GNAO1: variants seen among roughly 807,000 people sequenced by gnomAD.
GNAO1 encodes guanine nucleotide-binding protein G(o) subunit alpha.
For missense variants in GNAO1, 166 were observed against 478.7 expected, an observed-to-expected ratio of 0.35 and a Z score of 6.10; for synonymous variants, 164 against 180.7, an observed-to-expected ratio of 0.91 and a Z score of 0.74.
At chr16:56,334,072 G>C (rs763641256) in intron 4 of GNAO1, among the ~76,000 whole-genome samples, 3 of 152,270 alleles carry the variant, frequency 2.0e-5, no homozygotes, top group African/African-American at 4.8e-5. Flanking sequence ...GGAGGTAGCA[G>C]GGGTAAAGAG....
At chr16:56,260,208 C>T (rs1347729758) in intron 2 of GNAO1, among the ~76,000 whole-genome samples, 1 of 152,200 alleles carries the variant, frequency 6.6e-6, no homozygotes, top group African/African-American at 2.4e-5. Context: ...CTACTCTGTT[C>T]TCCCAGGCCC....
chr16:56,318,535 T>TG (rs2037537747), intron 3 of GNAO1, among the ~76,000 whole-genome samples: 1 of 151,736 alleles, frequency 6.6e-6, no homozygotes, highest in African/African-American at 2.4e-5. Context: ...TGGGGCAGGG[T>TG]GGGGCCAGAT....
chr16:56,346,045 G>A (rs2037864811), intron 6 of GNAO1: 1 of 985,460 alleles, frequency 1.0e-6, no homozygotes. Context: ...AGGAGTGGGT[G>A]CTCAGCCCTT....
intron 2 of GNAO1, among the ~76,000 whole-genome samples, chr16:56,219,207 C>T (rs1596803450): frequency 1.3e-5 from 2 of 152,322 alleles, no homozygotes; most frequent in Middle Eastern, 3.4e-3. Flanking sequence ...TTTTCCATCC[C>T]ACTGGGTCTT....
chr16:56,240,384 G>A (rs896339856), intron 2 of GNAO1, among the ~76,000 whole-genome samples: 1 of 152,152 alleles, frequency 6.6e-6, no homozygotes, highest in African/African-American at 2.4e-5. Context: ...TGCCTCTGGT[G>A]TCTGGCTGGG....
Position 56,318,763 on chromosome 16 carries a change from G to A in GNAO1, c.304-9868G>A, listed in dbSNP as rs560206892. ...GCTTGCCTAGAAAGTCTTGTACAAA[G>A]CAGGCTTATTTTGTGTCAGCTTGTT... On this transcript the variant is annotated intron_variant, in intron 3 of 8. Transcript: ENST00000262493. 5.4e-4 allele frequency among the ~76,000 whole-genome samples: 82 copies of A among 152,336 alleles called. 1 individual carries two copies. The Middle Eastern group carries it at 0.027, about 51-fold the overall frequency.
rs377201271 is a variant in GNAO1 at position 56,192,529 on chromosome 16, A to G, written c.119-45A>G. On this transcript the variant is annotated intron_variant, in intron 1 of 8. Transcript: ENST00000262493. ...AGTCCCCCCCTCCCCCTGTTCCCTTAAGCTGACACTCACCAGTTTTTCCCC... is the reference window on the plus strand; with the variant it reads ...AGTCCCCCCCTCCCCCTGTTCCCTTGAGCTGACACTCACCAGTTTTTCCCC... The G allele has an allele frequency of 8.9e-6, 9 of 1,011,112 alleles. No individual in the cohort carries two copies. The African/African-American group carries it at 1.1e-4, about 12-fold the overall frequency. 62.6% of individuals were successfully genotyped at this position (1,011,112 alleles called of 1,614,324 possible). A position where few individuals can be genotyped will look rare whatever the true frequency, so the allele number is the denominator to read the frequency against.
chr16:56,271,292 A>G (rs1272415861), intron 2 of GNAO1, among the ~76,000 whole-genome samples: 1 of 152,194 alleles, frequency 6.6e-6, no homozygotes, highest in African/African-American at 2.4e-5. Context: ...AGAGGAGATA[A>G]TTTATCTCCT....
chr16:56,330,934 G>A (rs796517429), intron 4 of GNAO1, among the ~76,000 whole-genome samples: 38 of 152,338 alleles, frequency 2.5e-4, no homozygotes, highest in African/African-American at 8.9e-4. Flanking sequence ...TCCCCTCTGG[G>A]AGAGGGCAGG....
intron 2 of GNAO1, among the ~76,000 whole-genome samples, chr16:56,258,033 A>G (rs894274157): frequency 6.6e-6 from 1 of 152,376 alleles, no homozygotes; most frequent in East Asian, 1.9e-4. Flanking sequence ...GGAAAAAAAT[A>G]AAAAGAAAAG....
At chr16:56,350,214 C>T (rs2037908236) in intron 6 of GNAO1, among the ~76,000 whole-genome samples, 2 of 152,132 alleles carry the variant, frequency 1.3e-5, no homozygotes, top group African/African-American at 4.8e-5. Context: ...GCATCTACAC[C>T]AGCTGTCTTC....
intron 6 of GNAO1, chr16:56,344,733 G>C (rs1479301295): frequency 1.3e-5 from 13 of 985,534 alleles, no homozygotes; most frequent in Non-Finnish European, 1.6e-5. Flanking sequence ...GTCCTCGCAG[G>C]CCAAAGGGTG....
At chr16:56,295,009 C>T (rs1449103694) in intron 3 of GNAO1, among the ~76,000 whole-genome samples, 1 of 152,112 alleles carries the variant, frequency 6.6e-6, no homozygotes, top group Admixed American at 6.5e-5. Context: ...ATCCCTGATA[C>T]AAGTTCCTTG....
At chr16:56,307,455 G>A (rs755409899) in intron 3 of GNAO1, 2 of 152,184 alleles carry the variant, frequency 1.3e-5, no homozygotes, top group Non-Finnish European at 2.9e-5. Context: ...TGTAGTTATT[G>A]TTATTATTAC....
At chr16:56,274,947 AAAG>A (rs1198902508) in intron 2 of GNAO1, among the ~76,000 whole-genome samples, 2 of 152,252 alleles carry the variant, frequency 1.3e-5, no homozygotes, top group African/African-American at 4.8e-5. Context: ...GTTTTTAAAA[AAAG>A]AAGAAGAATC....
rs2037972977 is a variant in GNAO1 at position 56,356,787 on chromosome 16, T to C, written c.*713T>C. ...TTTTTTGGTTCCTTTTTTTTTTTTT[T>C]CAGTTTTTGTTTTTACTTTTGTCCC... On this transcript the variant is annotated 3_prime_UTR_variant, in exon 9 of 9. Coordinates refer to ENST00000262493, the MANE Select transcript of GNAO1 (RefSeq NM_020988.3). 7.1e-6 allele frequency: 1 copy of C among 140,288 alleles called. No individual in the cohort carries two copies. Among genetic ancestry groups the C allele is most frequent in the South Asian group, 2.3e-4 (1 of 4,358 alleles). The allele number at this position is 140,288 out of a possible 1,614,324, so 8.7% of individuals were successfully genotyped here.
chr16:56,221,807 CATT>C (rs763151140), intron 2 of GNAO1, among the ~76,000 whole-genome samples: 2 of 152,098 alleles, frequency 1.3e-5, no homozygotes, highest in African/African-American at 2.4e-5. Context: ...TCATCGTCAT[CATT>C]GTTTCAGGAG....
rs1004538154 is a variant in GNAO1 at position 56,192,160 on chromosome 16, G to T, written c.-76G>T. On this transcript the variant is annotated 5_prime_UTR_variant, in exon 1 of 9. Transcript: ENST00000262493. ...CCCTTGAGCCCAGGCTCTGCTCTCT[G>T]GGGGGGTGGGGGGCGCTCCAAGCCG... 4 of 801,694 alleles carry T rather than the reference G, an allele frequency of 5.0e-6. No homozygotes were observed. The highest frequency in any genetic ancestry group is 1.7e-5 in the African/African-American group (1 of 58,862). The allele number at this position is 801,694 out of a possible 1,614,324, so 49.7% of individuals were successfully genotyped here.
rs1192523480 is a variant in GNAO1 at position 56,209,055 on chromosome 16, G to A, written c.161+16439G>A. Among the ~76,000 whole-genome samples, 5 of 152,014 alleles carry A rather than the reference G, an allele frequency of 3.3e-5. No homozygotes were observed. The East Asian group carries it at 9.6e-4, about 29-fold the overall frequency. ...TTGTGTGTGTCCTATTTAAGAAGAA[G>A]TCTTTCCTTATCTTGAAGCTCAAAG... On this transcript the variant is annotated intron_variant, in intron 2 of 8. Transcript: ENST00000262493.
Sources: allele counts gnomAD v4.1 joint callset (sites outside exome capture counted in the v4.1 genomes callset), GRCh38; gene constraint gnomAD v4.1.1; transcripts MANE v1.5; gene names NCBI Gene and HGNC (gene_info 2026-07-23, HGNC 2026-07-21).